Variants in ANXA7 observed in about 807,000 individuals in gnomAD.
ANXA7 encodes the protein annexin VII.
Under a neutral mutation model 64.9 loss-of-function variants are expected in ANXA7, and 55 were observed. The ratio of observed to expected loss-of-function variants is 0.85; its 90% CI spans 0.68 to 1.06. ANXA7 has a LOEUF of 1.06. Ranked by LOEUF, ANXA7 falls within the 50% of genes least tolerant of loss-of-function variation. The pLI is 0.00. For synonymous variants in ANXA7, 200 were observed against 192.4 expected (o/e 1.04, Z -0.33); for missense variants, 548 against 582.1 (o/e 0.94, Z 0.60).
At chr10:73,392,018 A>G (rs2055492537) in intron 5 of ANXA7, among the ~76,000 whole-genome samples, 1 of 152,248 alleles carries the variant, frequency 6.6e-6, no homozygotes, top group African/African-American at 2.4e-5. Flanking sequence ...TAAAGGGGAT[A>G]TCACCACCGA....
intron 1 of ANXA7, among the ~76,000 whole-genome samples, chr10:73,410,943 G>A (rs747440777): frequency 5.3e-5 from 8 of 152,080 alleles, no homozygotes; most frequent in Non-Finnish European, 1.2e-4. Flanking sequence ...TTCCACTGCT[G>A]GGTATCTACC....
chr10:73,404,476 C>A (rs1364690310), intron 1 of ANXA7, among the ~76,000 whole-genome samples: 1 of 152,080 alleles, frequency 6.6e-6, no homozygotes, highest in Non-Finnish European at 1.5e-5. Context: ...TAGAGATACA[C>A]ATTAAGTATT....
chr10:73,412,795 C>CTT lies in ANXA7; in HGVS notation c.-2+1215_-2+1216dup, dbSNP rs55814659. ...ACAGGAGTGAGCCACCGCGCTCGGG[C>CTT]TTTTTTTTTTTTTTTTTTAAACATT... On this transcript the variant is annotated intron_variant, in intron 1 of 12. Coordinates refer to ENST00000372921, the MANE Select transcript of ANXA7 (RefSeq NM_001156.5). Among the ~76,000 whole-genome samples the CTT allele has an allele frequency of 7.2e-4, 95 of 131,606 alleles. 1 individual carries two copies. The highest frequency in any genetic ancestry group is 2.2e-3 in the African/African-American group (80 of 35,992). 86.3% of individuals were successfully genotyped at this position (131,606 alleles called of 152,430 possible).
At chr10:73,376,310 C>A in intron 12 of ANXA7, 93 bp from the exon 13 acceptor site, 1 of 1,249,480 alleles carries the variant, frequency 8.0e-7, no homozygotes, top group Non-Finnish European at 1.1e-6. Flanking sequence ...TAATAATAAT[C>A]AAAACTTGGG....
chr10:73,401,263 A>AC (rs1554818167), intron 1 of ANXA7, among the ~76,000 whole-genome samples: 10,868 of 148,114 alleles, frequency 0.073, 609 homozygotes, highest in East Asian at 0.3. Context: ...ACACATACAC[A>AC]ACACACACAC....
At chr10:73,379,990 T>A in intron 10 of ANXA7, 36 bp from the exon 11 acceptor site, 2 of 1,612,936 alleles carry the variant, frequency 1.2e-6, no homozygotes, top group Non-Finnish European at 1.7e-6. Context: ...TATTTTTGTA[T>A]CTTACAGCAG....
chr10:73,401,506 CTT>C (rs1047702373), intron 1 of ANXA7, among the ~76,000 whole-genome samples: 1 of 147,832 alleles, frequency 6.8e-6, no homozygotes, highest in African/African-American at 2.5e-5. Context: ...CTTCTTTTCT[CTT>C]TTTTTTTTGG....
intron 7 of ANXA7, 54 bp from the exon 8 acceptor site, chr10:73,383,744 TA>T: frequency 8.9e-7 from 1 of 1,125,018 alleles, no homozygotes; most frequent in Non-Finnish European, 1.3e-6. Context: ...TTTTGTCACT[TA>T]AATCTTTTAA....
intron 1 of ANXA7, among the ~76,000 whole-genome samples, chr10:73,401,738 G>A (rs1285209836): frequency 1.3e-5 from 2 of 152,144 alleles, no homozygotes; most frequent in Non-Finnish European, 2.9e-5. Context: ...CTAACCTCAG[G>A]TGAACCACCC....
chr10:73,401,798 G>C (rs571558150), intron 1 of ANXA7, among the ~76,000 whole-genome samples: 1 of 123,642 alleles, frequency 8.1e-6, no homozygotes, highest in Non-Finnish European at 1.7e-5. Context: ...CACCTCACCC[G>C]GCCAAGGCTT....
intron 5 of ANXA7, among the ~76,000 whole-genome samples, chr10:73,391,186 A>G (rs574452880): frequency 8.5e-4 from 128 of 151,442 alleles, no homozygotes; most frequent in Middle Eastern, 3.4e-3. Context: ...AAAAAAAAAA[A>G]AGAGAGAAAT....
At chr10:73,405,240 C>CAA (rs796132395) in intron 1 of ANXA7, among the ~76,000 whole-genome samples, 6 of 71,662 alleles carry the variant, frequency 8.4e-5, no homozygotes, top group African/African-American at 2.1e-4. Flanking sequence ...AATACTGTCT[C>CAA]AAAAAAAAAA....
At position 73,390,716 on chromosome 10, in the gene ANXA7, ATATAAAAAT is replaced by A. The variant is rs1564526463; in HGVS notation, c.436-2311_436-2303del. ...AAAATATATATATATATATATATAT[ATATAAAAAT>A]ATATATATACACACACACACATATA... On this transcript the variant is annotated intron_variant, in intron 5 of 12. Transcript: ENST00000372921. Among the ~76,000 whole-genome samples, 13 of 114,942 alleles carry A rather than the reference ATATAAAAAT, an allele frequency of 1.1e-4. 1 individual carries two copies. The highest frequency in any genetic ancestry group is 4.7e-4 in the African/African-American group (12 of 25,376). 75.4% of individuals were successfully genotyped at this position (114,942 alleles called of 152,430 possible). A position where few individuals can be genotyped will look rare whatever the true frequency, so the allele number is the denominator to read the frequency against.
chr10:73,376,892 A>G lies in ANXA7; in HGVS notation c.1279-675T>C, dbSNP rs988999312. ...AATAAACCTTGAGGACGCTATGCTA[A>G]GTAAAAGACAACACTCACAAAAAGA... On this transcript the variant is annotated intron_variant, in intron 12 of 12. Transcript: ENST00000372921. 2.6e-5 allele frequency among the ~76,000 whole-genome samples: 4 copies of G among 152,340 alleles called. No homozygotes were observed. The South Asian group carries it at 8.3e-4, about 32-fold the overall frequency.
chr10:73,379,987 G>A (rs1286070055), intron 10 of ANXA7, 33 bp from the exon 11 acceptor site: 1 of 1,612,624 alleles, frequency 6.2e-7, no homozygotes, highest in Non-Finnish European at 8.5e-7. Context: ...AAATATTTTT[G>A]TATCTTACAG....
chr10:73,395,216 G>C (rs2055550893), intron 5 of ANXA7, among the ~76,000 whole-genome samples: 1 of 152,150 alleles, frequency 6.6e-6, no homozygotes, highest in Admixed American at 6.5e-5. Context: ...CCCTAGACAA[G>C]TTTCTCAACC....
At chr10:73,411,478 T>C (rs1347863044) in intron 1 of ANXA7, among the ~76,000 whole-genome samples, 1 of 152,156 alleles carries the variant, frequency 6.6e-6, no homozygotes, top group Non-Finnish European at 1.5e-5. Flanking sequence ...TCTTGCTCTA[T>C]CATCCAGGCT....
At chr10:73,387,869 G>A in intron 6 of ANXA7, 86 bp from the exon 7 acceptor site, 1 of 677,386 alleles carries the variant, frequency 1.5e-6, no homozygotes, top group Non-Finnish European at 2.2e-6. Flanking sequence ...TTTTTTTTTT[G>A]AGACGGAGTT....
At position 73,383,051 on chromosome 10, in the gene ANXA7, C is replaced by T. The variant is rs116322398; in HGVS notation, c.918+124G>A. ...ATCTGTACACTGGTTTCTGTGTTGT[C>T]CCTCTTAAAGATGGCAATATTGCAA... On this transcript the variant is annotated intron_variant, in intron 9 of 12. Coordinates refer to ENST00000372921, the MANE Select transcript of ANXA7 (RefSeq NM_001156.5). The T allele has an allele frequency of 2.5e-3, 1,958 of 780,480 alleles. 19 individuals carry two copies. The African/African-American group carries it at 0.026, about 10-fold the overall frequency. 48.3% of individuals were successfully genotyped at this position (780,480 alleles called of 1,614,324 possible). A position where few individuals can be genotyped will look rare whatever the true frequency, so the allele number is the denominator to read the frequency against.
Sources: allele counts gnomAD v4.1 joint callset (sites outside exome capture counted in the v4.1 genomes callset), GRCh38; gene constraint gnomAD v4.1.1; transcripts MANE v1.5; gene names NCBI Gene and HGNC (gene_info 2026-07-23, HGNC 2026-07-21).